The following KATNBL1 variants were observed in gnomAD, a reference collection of about 807,000 sequenced individuals.
The protein encoded by KATNBL1 is KATNB1-like protein 1.
KATNBL1 carries 28 observed loss-of-function variants against 44.7 expected under a neutral mutation model. The observed-to-expected ratio is 0.63, with a 90% CI of 0.46 to 0.86. KATNBL1 has a LOEUF of 0.86. KATNBL1 is among the 40% of genes least tolerant of loss of function. The pLI is 0.00. For missense variants in KATNBL1, 272 were observed against 350.7 expected (o/e 0.78, Z 1.79); for synonymous variants, 78 against 114.9 (o/e 0.68, Z 2.06).
intron 4 of KATNBL1, among the ~76,000 whole-genome samples, chr15:34,150,071 A>C (rs1374709999): frequency 6.6e-6 from 1 of 152,192 alleles, no homozygotes; most frequent in Admixed American, 6.5e-5. Context: ...ATGTATTTTA[A>C]CTTGGCTAAG....
At chr15:34,176,123 C>G (rs551261958) in intron 1 of KATNBL1, among the ~76,000 whole-genome samples, 1 of 151,880 alleles carries the variant, frequency 6.6e-6, no homozygotes, top group South Asian at 2.1e-4. Flanking sequence ...GCCTGTAATA[C>G]CAACACTTTG....
chr15:34,144,262 G>T (rs997642570), intron 9 of KATNBL1, among the ~76,000 whole-genome samples: 6 of 151,656 alleles, frequency 4.0e-5, no homozygotes, highest in Admixed American at 1.3e-4. Flanking sequence ...AACTTATCTT[G>T]GAGTAGAAGC....
chr15:34,189,333 A>T (rs1278231085), intron 1 of KATNBL1, among the ~76,000 whole-genome samples: 1 of 152,186 alleles, frequency 6.6e-6, no homozygotes, highest in Non-Finnish European at 1.5e-5. Flanking sequence ...CCTGGAACAC[A>T]TATTAATACC....
At chr15:34,194,617 G>A (rs1466689773) in intron 1 of KATNBL1, among the ~76,000 whole-genome samples, 1 of 152,130 alleles carries the variant, frequency 6.6e-6, no homozygotes, top group Non-Finnish European at 1.5e-5. Flanking sequence ...GAGCAGGACC[G>A]TGTGGAGGTG....
chr15:34,200,399 C>T (rs1890148753), intron 1 of KATNBL1, among the ~76,000 whole-genome samples: 2 of 150,030 alleles, frequency 1.3e-5, no homozygotes, highest in South Asian at 2.1e-4. Flanking sequence ...ATTACAGGTG[C>T]GTGCCACCAC....
At chr15:34,164,551 T>C (rs1218850527) in intron 1 of KATNBL1, among the ~76,000 whole-genome samples, 1 of 152,218 alleles carries the variant, frequency 6.6e-6, no homozygotes, top group Non-Finnish European at 1.5e-5. Flanking sequence ...CCTCCTATTT[T>C]ACTAATTATA....
chr15:34,180,666 G>C (rs921364120), intron 1 of KATNBL1, among the ~76,000 whole-genome samples: 1 of 152,138 alleles, frequency 6.6e-6, no homozygotes, highest in Admixed American at 6.5e-5. Context: ...GCCCTTCCTA[G>C]CTATCACATT....
At chr15:34,188,205 G>A (rs1023520339) in intron 1 of KATNBL1, among the ~76,000 whole-genome samples, 3 of 141,270 alleles carry the variant, frequency 2.1e-5, no homozygotes, top group Non-Finnish European at 4.6e-5. Flanking sequence ...AAGAAACTGG[G>A]CAGAGAGAAA....
intron 4 of KATNBL1, among the ~76,000 whole-genome samples, chr15:34,151,040 T>C (rs887766938): frequency 2.0e-5 from 3 of 152,222 alleles, no homozygotes; most frequent in South Asian, 2.1e-4. Context: ...TTCCTTGTCT[T>C]TGCTATTGTG....
intron 9 of KATNBL1, chr15:34,142,722 C>CTT: frequency 4.1e-6 from 1 of 246,326 alleles, no homozygotes; most frequent in South Asian, 4.4e-5. Flanking sequence ...ATTTCTTTCT[C>CTT]TTTTTTTTGA....
chr15:34,164,289 A>G (rs1038701585), intron 1 of KATNBL1, among the ~76,000 whole-genome samples: 2 of 152,252 alleles, frequency 1.3e-5, no homozygotes, highest in Non-Finnish European at 2.9e-5. Context: ...CCATGTCACT[A>G]GCCATTTAAT....
intron 1 of KATNBL1, chr15:34,199,868 G>A (rs979831171): frequency 3.3e-5 from 5 of 152,100 alleles, no homozygotes; most frequent in African/African-American, 1.2e-4. Flanking sequence ...AGTTTCCACG[G>A]TGTGGAAGAT....
intron 1 of KATNBL1, among the ~76,000 whole-genome samples, chr15:34,183,263 G>A (rs1889618740): frequency 6.6e-6 from 1 of 152,196 alleles, no homozygotes; most frequent in Admixed American, 6.5e-5. Flanking sequence ...AGTACCCTTT[G>A]TATGCAATGA....
At chr15:34,203,763 C>T (rs1890225927) in intron 1 of KATNBL1, among the ~76,000 whole-genome samples, 1 of 152,218 alleles carries the variant, frequency 6.6e-6, no homozygotes, top group East Asian at 1.9e-4. Flanking sequence ...TCTCAGCTCA[C>T]TGCAACTAAC....
intron 4 of KATNBL1, among the ~76,000 whole-genome samples, chr15:34,149,519 G>A (rs529896526): frequency 2.6e-5 from 4 of 151,968 alleles, no homozygotes; most frequent in Admixed American, 2.6e-4. Context: ...CGCCTCCCAA[G>A]CTCAAGTAAT....
chr15:34,207,135 A>G (rs1890316631), intron 1 of KATNBL1, among the ~76,000 whole-genome samples: 1 of 149,648 alleles, frequency 6.7e-6, no homozygotes, highest in Admixed American at 6.7e-5. Context: ...CAACTTCTGG[A>G]CTCAAGGAAT....
chr15:34,140,807 C>T lies in KATNBL1; in HGVS notation c.*1532G>A, dbSNP rs991387946. ...TCTCAAATCACAGACGTGCAATAATCTGAAATTATTATAATCTAAAGACTT... is the reference window on the plus strand; with the variant it reads ...TCTCAAATCACAGACGTGCAATAATTTGAAATTATTATAATCTAAAGACTT... On this transcript the variant is annotated 3_prime_UTR_variant, in exon 10 of 10. Coordinates refer to ENST00000256544, the MANE Select transcript of KATNBL1 (RefSeq NM_024713.3). 6.6e-6 allele frequency: 1 copy of T among 152,094 alleles called. No homozygotes were observed. The highest frequency in any genetic ancestry group is 2.4e-5 in the African/African-American group (1 of 41,424). 9.4% of individuals were successfully genotyped at this position (152,094 alleles called of 1,614,324 possible). A position where few individuals can be genotyped will look rare whatever the true frequency, so the allele number is the denominator to read the frequency against.
At chr15:34,177,722 AC>A (rs1889379444) in intron 1 of KATNBL1, 1 of 152,090 alleles carries the variant, frequency 6.6e-6, no homozygotes, top group Admixed American at 6.6e-5. Context: ...CAGGAATGGA[AC>A]ACATCTAGAC....
Position 34,184,576 on chromosome 15 carries a change from C to CTTTTCTTTTTTTTTT in KATNBL1, c.-14-20887_-14-20886insAAAAAAAAAAGAAAA, listed in dbSNP as rs760395860. ...ATACTTCCTGTCTCTCCTAATGTTT[C>CTTTTCTTTTTTTTTT]TTTTTTTTTTTTTTGAGACAGAGTC... On this transcript the variant is annotated intron_variant, in intron 1 of 9. Coordinates refer to ENST00000256544, the MANE Select transcript of KATNBL1 (RefSeq NM_024713.3). Among the ~76,000 whole-genome samples, 312 of 95,216 alleles carry CTTTTCTTTTTTTTTT rather than the reference C, an allele frequency of 3.3e-3. 3 individuals carry two copies. The highest frequency in any genetic ancestry group is 0.011 in the Middle Eastern group (1 of 94). 62.5% of individuals were successfully genotyped at this position (95,216 alleles called of 152,430 possible).
Sources: allele counts gnomAD v4.1 joint callset (sites outside exome capture counted in the v4.1 genomes callset), GRCh38; gene constraint gnomAD v4.1.1; transcripts MANE v1.5; gene names NCBI Gene and HGNC (gene_info 2026-07-23, HGNC 2026-07-21).